CARMIL1: variants seen among roughly 807,000 people sequenced by gnomAD.
CARMIL1 encodes the protein F-actin-uncapping protein LRRC16A.
A neutral mutation model predicts 177.1 loss-of-function variants in CARMIL1; 90 were observed. The observed-to-expected ratio is 0.51, with a 90% CI of 0.43 to 0.61. The LOEUF is 0.61. Ranked by LOEUF, CARMIL1 falls within the 20% of genes least tolerant of loss-of-function variation. The pLI, the probability that CARMIL1 is intolerant of heterozygous loss-of-function variation, is 0.00. For synonymous variants in CARMIL1, 577 were observed against 606.2 expected, an observed-to-expected ratio of 0.95 and a Z score of 0.71; for missense variants, 1,380 against 1,667.0, an observed-to-expected ratio of 0.83 and a Z score of 3.00.
chr6:25,545,539 CAAT>C (rs1809365540), intron 26 of CARMIL1, among the ~76,000 whole-genome samples: 2 of 152,000 alleles, frequency 1.3e-5, no homozygotes. Flanking sequence ...TCAAGTAAAA[CAAT>C]GATGAAGAAG....
At chr6:25,462,137 T>TTTGTA (rs1393029841) in intron 8 of CARMIL1, among the ~76,000 whole-genome samples, 1 of 152,230 alleles carries the variant, frequency 6.6e-6, no homozygotes, top group African/African-American at 2.4e-5. Flanking sequence ...TTTCTTCTCT[T>TTTGTA]GACATCTTTT....
At chr6:25,339,213 A>G (rs1446779619) in intron 2 of CARMIL1, among the ~76,000 whole-genome samples, 1 of 152,148 alleles carries the variant, frequency 6.6e-6, no homozygotes, top group Non-Finnish European at 1.5e-5. Context: ...TGGGAAGGAG[A>G]ATATTTTCCT....
chr6:25,459,272 T>TCTTTCTTTCTCTTTC (rs1477339182), intron 8 of CARMIL1, among the ~76,000 whole-genome samples: 2 of 134,894 alleles, frequency 1.5e-5, no homozygotes, highest in Admixed American at 8.0e-5. Flanking sequence ...CTTTCTTTTT[T>TCTTTCTTTCTCTTTC]TTTTTTTTAA....
chr6:25,606,412 C>G (rs1032727214), intron 35 of CARMIL1, 139 bp downstream of exon 35: 16 of 706,496 alleles, frequency 2.3e-5, no homozygotes, highest in African/African-American at 7.2e-5. Context: ...CACAAGAAAC[C>G]TATGCAAAGC....
At chr6:25,512,173 T>G (rs1805517391) in intron 20 of CARMIL1, among the ~76,000 whole-genome samples, 2 of 152,224 alleles carry the variant, frequency 1.3e-5, no homozygotes, top group South Asian at 4.1e-4. Context: ...TAGGAAAATT[T>G]GTATTTTTAT....
chr6:25,481,308 G>A (rs559070444), intron 11 of CARMIL1, among the ~76,000 whole-genome samples: 2 of 152,262 alleles, frequency 1.3e-5, no homozygotes, highest in South Asian at 4.1e-4. Flanking sequence ...CTGTTCTAGG[G>A]GAAAAGCCCA....
intron 17 of CARMIL1, among the ~76,000 whole-genome samples, chr6:25,508,776 A>G (rs981903575): frequency 1.7e-5 from 2 of 120,528 alleles, no homozygotes; most frequent in African/African-American, 3.2e-5. Flanking sequence ...GTTTTTCCTC[A>G]TTAGATAGTA....
chr6:25,456,403 C>G (rs570771711), intron 8 of CARMIL1, among the ~76,000 whole-genome samples: 1 of 152,174 alleles, frequency 6.6e-6, no homozygotes, highest in East Asian at 1.9e-4. Flanking sequence ...CATGCTAGAT[C>G]TAGCCAGTTA....
chr6:25,506,590 A>G (rs983142842), intron 17 of CARMIL1, among the ~76,000 whole-genome samples: 16 of 152,208 alleles, frequency 1.1e-4, no homozygotes, highest in African/African-American at 3.6e-4. Context: ...GTTTATATAC[A>G]TCCTTCTTAG....
intron 4 of CARMIL1, among the ~76,000 whole-genome samples, chr6:25,434,016 G>A (rs929382435): frequency 2.6e-5 from 4 of 152,246 alleles, no homozygotes; most frequent in Non-Finnish European, 4.4e-5. Flanking sequence ...GGAAGTAAAC[G>A]TGTGCAGATA....
In CARMIL1 at chr6:25,509,744, C is replaced by A; in HGVS notation, c.1477+7C>A. 2 of 1,562,378 alleles carry A rather than the reference C, an allele frequency of 1.3e-6. No homozygotes were observed. Among genetic ancestry groups the A allele is most frequent in the South Asian group, 1.2e-5 (1 of 85,036 alleles). ...TTAGACATCTCTGACAATGGTAAGTCAGATATTGAAAAGAAATGAAACTGA... is the reference window on the plus strand; with the variant it reads ...TTAGACATCTCTGACAATGGTAAGTAAGATATTGAAAAGAAATGAAACTGA... On this transcript the variant is annotated splice_region_variant and intron_variant, in intron 18 of 36. Transcript: ENST00000329474. This position sits in a 1 kb window ranked among gnomAD's most constrained non-coding sequence, Gnocchi z 4.1.
chr6:25,616,047 A>G lies in CARMIL1; in HGVS notation c.3980-3400A>G, dbSNP rs114473493. On this transcript the variant is annotated intron_variant, in intron 36 of 36. Coordinates refer to ENST00000329474, the MANE Select transcript of CARMIL1 (RefSeq NM_017640.6). ...TTTGTTTTGAATAAATTACCTGTTC[A>G]TTTACTTATCTTCTATTAACTTTAG... is the stretch of plus-strand genomic sequence containing the variant. Among the ~76,000 whole-genome samples, 1,112 of 152,302 alleles carry G rather than the reference A, an allele frequency of 7.3e-3. 10 individuals are homozygous for G. The highest frequency in any genetic ancestry group is 0.024 in the African/African-American group (978 of 41,544).
At chr6:25,431,129 A>G (rs536006539) in intron 4 of CARMIL1, among the ~76,000 whole-genome samples, 1 of 152,290 alleles carries the variant, frequency 6.6e-6, no homozygotes, top group South Asian at 2.1e-4. Flanking sequence ...CTCGTCATTT[A>G]ACAACTTTCT....
chr6:25,305,674 C>G (rs2150186632), intron 2 of CARMIL1, among the ~76,000 whole-genome samples: 1 of 152,318 alleles, frequency 6.6e-6, no homozygotes, highest in Admixed American at 6.5e-5. Context: ...ATAATTTCTT[C>G]TTCTGAAGTT....
In CARMIL1 at chr6:25,521,346, G is replaced by T. The variant is rs1323828350; in HGVS notation, c.1968+1009G>T. The stretch of plus-strand genomic sequence containing the variant: ...GTAACATACATCTCATATTCACTTT[G>T]GGGTGAGGTTTTAGCATTAAAATGA... On this transcript the variant is annotated intron_variant, in intron 23 of 36. Coordinates refer to ENST00000329474, the MANE Select transcript of CARMIL1 (RefSeq NM_017640.6). Among the ~76,000 whole-genome samples, 53 of 150,970 alleles carry T rather than the reference G, an allele frequency of 3.5e-4. 1 individual carries two copies. The highest frequency in any genetic ancestry group is 3.5e-3 in the Admixed American group (53 of 15,112).
chr6:25,497,063 C>A (rs1803801501), intron 16 of CARMIL1, among the ~76,000 whole-genome samples: 1 of 152,164 alleles, frequency 6.6e-6, no homozygotes, highest in Non-Finnish European at 1.5e-5. Flanking sequence ...CTCTTCAGCT[C>A]TGTGTTTTAA....
chr6:25,318,035 A>C (rs1208852919), intron 2 of CARMIL1, among the ~76,000 whole-genome samples: 1 of 152,140 alleles, frequency 6.6e-6, no homozygotes, highest in African/African-American at 2.4e-5. Flanking sequence ...TGTTTTATGA[A>C]CTTGACCTTG....
chr6:25,578,885 C>T (rs903875467), intron 29 of CARMIL1, among the ~76,000 whole-genome samples: 3 of 152,052 alleles, frequency 2.0e-5, no homozygotes, highest in Non-Finnish European at 4.4e-5. Flanking sequence ...GCTTTCTATA[C>T]TGGGCTTTGA....
At chr6:25,524,627 G>A (rs188633775) in intron 23 of CARMIL1, among the ~76,000 whole-genome samples, 35 of 152,250 alleles carry the variant, frequency 2.3e-4, no homozygotes, top group Non-Finnish European at 3.8e-4. Flanking sequence ...GTGAAAGAGA[G>A]AAAACAAGCA....
Sources: allele counts gnomAD v4.1 joint callset (sites outside exome capture counted in the v4.1 genomes callset), GRCh38; gene constraint gnomAD v4.1.1; non-coding constraint Gnocchi (gnomAD v3.1); transcripts MANE v1.5; gene names NCBI Gene and HGNC (gene_info 2026-07-23, HGNC 2026-07-21).